The following DIP2C variants were observed in gnomAD, a reference collection of about 807,000 sequenced individuals.
DIP2C encodes DIP2 acetate--CoA ligase C (putative), also known as disco-interacting protein 2 homolog C.
Under a neutral mutation model 192.4 loss-of-function variants are expected in DIP2C, and 33 were observed. The ratio of observed to expected loss-of-function variants is 0.17; its 90% confidence interval spans 0.13 to 0.23. The LOEUF is 0.23. Among genes scored for constraint, DIP2C ranks in the 10% least tolerant of loss-of-function variants. The pLI is 1.00. For synonymous variants in DIP2C, 979 were observed against 864.1 expected (o/e 1.13, Z -2.33); for missense variants, 1,537 against 2,110.1 (o/e 0.73, Z 5.32).
At position 434,914 on chromosome 10, in the gene DIP2C, C is replaced by T. The variant is rs375389967; in HGVS notation, c.394+5957G>A. 1.6e-3 allele frequency among the ~76,000 whole-genome samples: 236 copies of T among 152,156 alleles called. 2 individuals are homozygous for T. The South Asian group carries it at 0.042, about 27-fold the overall frequency. ...TGGGGTTTTTAAAAAATCTTTGATT[C>T]GCCGTAGTTTGAAAATTATATGCCC... On this transcript the variant is annotated intron_variant, in intron 4 of 36. Coordinates refer to ENST00000280886, the MANE Select transcript of DIP2C (RefSeq NM_014974.3).
At position 636,136 on chromosome 10, in the gene DIP2C, C is replaced by T. The variant is rs1854819859; in HGVS notation, c.85+53358G>A. ...ATAGCTACATACAAAATAACTTTAT[C>T]ACAAGGAAAACTAGGTGGTGAACCC... On this transcript the variant is annotated intron_variant, in intron 1 of 36. Coordinates refer to ENST00000280886, the MANE Select transcript of DIP2C (RefSeq NM_014974.3). The surrounding 1 kb of genome is among the most constrained non-coding windows in gnomAD (Gnocchi z 4.6). 6.6e-6 allele frequency among the ~76,000 whole-genome samples: 1 copy of T among 152,172 alleles called. No individual in the cohort carries two copies.
intron 31 of DIP2C, among the ~76,000 whole-genome samples, chr10:314,426 T>G (rs1425302894): frequency 6.6e-6 from 1 of 152,148 alleles, no homozygotes. Context: ...GCTTCCAGAG[T>G]GCTCTTCCCT....
At position 277,283 on chromosome 10, in the gene DIP2C, G is replaced by C; in HGVS notation, c.*42C>G. On this transcript the variant is annotated 3_prime_UTR_variant, in exon 37 of 37. Coordinates refer to ENST00000280886, the MANE Select transcript of DIP2C (RefSeq NM_014974.3). Reference sequence around the variant, plus strand: ...CGCTTCAGTGGACACGGAGAACAATGTCTACATCTCTAGAAAAGTCCATGG... The same window carrying C: ...CGCTTCAGTGGACACGGAGAACAATCTCTACATCTCTAGAAAAGTCCATGG... 6.2e-7 allele frequency: 1 copy of C among 1,605,932 alleles called. No homozygotes were observed. The highest frequency in any genetic ancestry group is 8.5e-7 in the Non-Finnish European group (1 of 1,177,284).
intron 32 of DIP2C, among the ~76,000 whole-genome samples, chr10:309,771 G>A (rs1956491561): frequency 1.3e-5 from 2 of 152,066 alleles, no homozygotes; most frequent in South Asian, 2.1e-4. Flanking sequence ...GGCTGGTCTC[G>A]AACTCCTGAC....
intron 7 of DIP2C, among the ~76,000 whole-genome samples, chr10:414,757 AATG>A (rs1251531154): frequency 7.3e-4 from 51 of 69,492 alleles, no homozygotes; most frequent in African/African-American, 1.4e-3. Context: ...ATATATATAT[AATG>A]TGTATATATA....
intron 1 of DIP2C, among the ~76,000 whole-genome samples, chr10:659,022 C>T (rs1856586766): frequency 6.6e-6 from 1 of 152,108 alleles, no homozygotes; most frequent in Non-Finnish European, 1.5e-5. Flanking sequence ...CATGCACACA[C>T]ATTCACATAA....
intron 29 of DIP2C, among the ~76,000 whole-genome samples, chr10:337,819 C>T (rs116138876): frequency 9.9e-4 from 10 of 10,074 alleles, no homozygotes; most frequent in African/African-American, 4.3e-3. Flanking sequence ...TGGAGGCCTA[C>T]GCAGCTGTGT....
Position 651,449 on chromosome 10 carries a change from A to T in DIP2C, c.85+38045T>A, listed in dbSNP as rs1855898830. On this transcript the variant is annotated intron_variant, in intron 1 of 36. Transcript: ENST00000280886. This position sits in a 1 kb window ranked among gnomAD's most constrained non-coding sequence, Gnocchi z 4.1. ...GTATGTTAAGTCGTTAAGTAAAAATAGCAGAAGACTTAGTAGAATGTATGA... is the reference window on the plus strand; with the variant it reads ...GTATGTTAAGTCGTTAAGTAAAAATTGCAGAAGACTTAGTAGAATGTATGA... 1.5e-6 allele frequency: 1 copy of T among 676,310 alleles called. No individual in the cohort carries two copies. Among genetic ancestry groups the T allele is most frequent in the Non-Finnish European group, 2.7e-6 (1 of 367,960 alleles). 41.9% of individuals were successfully genotyped at this position (676,310 alleles called of 1,614,324 possible).
chr10:326,483 T>C (rs913445323), intron 31 of DIP2C, among the ~76,000 whole-genome samples: 1 of 152,184 alleles, frequency 6.6e-6, no homozygotes, highest in Non-Finnish European at 1.5e-5. Context: ...AGGAAGGAAA[T>C]CCGCAGCTCT....
intron 1 of DIP2C, among the ~76,000 whole-genome samples, chr10:606,930 A>C (rs1438277173): frequency 6.6e-6 from 1 of 152,002 alleles, no homozygotes; most frequent in Non-Finnish European, 1.5e-5. Context: ...GGGGCCTTCC[A>C]AGCAACTAGG....
chr10:442,559 T>C (rs1371776530), intron 3 of DIP2C, among the ~76,000 whole-genome samples: 1 of 152,180 alleles, frequency 6.6e-6, no homozygotes. Flanking sequence ...TAATTTCAGA[T>C]ACACAGAAAA....
chr10:343,352 G>T (rs1258519112), intron 28 of DIP2C, among the ~76,000 whole-genome samples: 2 of 152,164 alleles, frequency 1.3e-5, no homozygotes, highest in African/African-American at 2.4e-5. Context: ...ACTGTAAAGG[G>T]ACCAGCACAG....
chr10:566,843 C>A (rs944407575), intron 1 of DIP2C, among the ~76,000 whole-genome samples: 1 of 152,196 alleles, frequency 6.6e-6, no homozygotes, highest in East Asian at 1.9e-4. Flanking sequence ...GCACAGCTAG[C>A]GTGCCACAGA....
At chr10:631,536 C>G (rs1174835438) in intron 1 of DIP2C, among the ~76,000 whole-genome samples, 2 of 152,170 alleles carry the variant, frequency 1.3e-5, no homozygotes, top group African/African-American at 4.8e-5. Context: ...AGGGTAGCAC[C>G]TCTGGGCGCC....
chr10:510,210 A>G (rs1394143103), intron 1 of DIP2C, among the ~76,000 whole-genome samples: 1 of 152,154 alleles, frequency 6.6e-6, no homozygotes, highest in Non-Finnish European at 1.5e-5. Flanking sequence ...CCATTCACAA[A>G]TCTATGTGGG....
chr10:462,490 T>C (rs550091033), intron 3 of DIP2C, among the ~76,000 whole-genome samples: 2 of 152,296 alleles, frequency 1.3e-5, no homozygotes, highest in South Asian at 4.2e-4. Flanking sequence ...GCTGAATCCC[T>C]GAATAGACCA....
chr10:371,741 C>T (rs12766961), intron 17 of DIP2C, among the ~76,000 whole-genome samples: 3 of 126,636 alleles, frequency 2.4e-5, no homozygotes, highest in Admixed American at 7.5e-5. Flanking sequence ...AGGGAGGCTG[C>T]GGTCAGGCCT....
At chr10:431,867 G>C (rs1241882696) in intron 4 of DIP2C, among the ~76,000 whole-genome samples, 1 of 152,200 alleles carries the variant, frequency 6.6e-6, no homozygotes, top group Non-Finnish European at 1.5e-5. Context: ...AATTGGGTAT[G>C]ATGTTAACAA....
At chr10:553,459 C>T (rs575933742) in intron 1 of DIP2C, among the ~76,000 whole-genome samples, 1 of 152,356 alleles carries the variant, frequency 6.6e-6, no homozygotes, top group African/African-American at 2.4e-5. Flanking sequence ...AACCACCCTG[C>T]ACAGAAGCCC....
Sources: allele counts gnomAD v4.1 joint callset (sites outside exome capture counted in the v4.1 genomes callset), GRCh38; gene constraint gnomAD v4.1.1; non-coding constraint Gnocchi (gnomAD v3.1); transcripts MANE v1.5; gene names NCBI Gene and HGNC (gene_info 2026-07-23, HGNC 2026-07-21).